Variants in ZNF565 observed in about 807,000 individuals in gnomAD.
ZNF565 encodes zinc finger protein 565.
Under a neutral mutation model 39.4 loss-of-function variants are expected in ZNF565, and 27 were observed. That is an observed-to-expected ratio of 0.69 (90% CI 0.51 to 0.95). ZNF565 has a LOEUF of 0.95. Among genes scored for constraint, ZNF565 ranks in the 40% least tolerant of loss-of-function variants. The pLI is 0.00. For synonymous variants in ZNF565, 185 were observed against 216.6 expected (o/e 0.85, Z 1.28); for missense variants, 524 against 621.1 (o/e 0.84, Z 1.66).
At position 36,214,103 on chromosome 19, in the gene ZNF565, C is replaced by T. The variant is rs1015135613; in HGVS notation, c.-66+519G>A. ...ACACAGTCACACTCACACAAGCAAC[C>T]CACACAAGCAGTGGCACCCCACTCC... On this transcript the variant is annotated intron_variant, in intron 1 of 4. Coordinates refer to ENST00000304116, the MANE Select transcript of ZNF565 (RefSeq NM_152477.5). Among the ~76,000 whole-genome samples, 3 of 151,864 alleles carry T rather than the reference C, an allele frequency of 2.0e-5. No individual in the cohort carries two copies. The South Asian group carries it at 6.2e-4, about 32-fold the overall frequency.
At position 36,195,087 on chromosome 19, in the gene ZNF565, G is replaced by C; in HGVS notation, c.79C>G (p.Gln27Glu). 6.2e-7 allele frequency: 1 copy of C among 1,614,134 alleles called. No individual in the cohort carries two copies. The highest frequency in any genetic ancestry group is 8.5e-7 in the Non-Finnish European group (1 of 1,180,030). The change falls in exon 3 of 5, where the codon CAG becomes GAG. Residue 27 changes from glutamine (Q) to glutamate (E), a missense_variant. Physicochemically the swap from Gln to Glu is conservative, Grantham distance 29. Coordinates refer to ENST00000304116, the MANE Select transcript of ZNF565 (RefSeq NM_152477.5). The part of the protein sequence containing the change: ...LEEWKCLEPA[Q>E]RDLYREVTLE... Reference sequence around the variant, plus strand: ...GTCACCTCCCTGTACAAGTCCCTCTGAGCAGGTTCCAGGCACTTCCATTCT... The same window carrying C: ...GTCACCTCCCTGTACAAGTCCCTCTCAGCAGGTTCCAGGCACTTCCATTCT...
At chr19:36,237,635 C>T (rs1977693182) in intron 1 of ZNF565, 1 of 220,060 alleles carries the variant, frequency 4.5e-6, no homozygotes, top group Admixed American at 5.3e-5. Context: ...TCGCCAGTAA[C>T]AAGAAAAATT....
At chr19:36,199,053 C>T (rs1005129008) in intron 2 of ZNF565, among the ~76,000 whole-genome samples, 1 of 152,072 alleles carries the variant, frequency 6.6e-6, no homozygotes. Flanking sequence ...AATATATATA[C>T]CATGTACTGA....
intron 1 of ZNF565, among the ~76,000 whole-genome samples, chr19:36,241,781 CAAAAAAA>C (rs57036778): frequency 2.5e-5 from 2 of 79,772 alleles, no homozygotes; most frequent in African/African-American, 5.1e-5. Context: ...AGAAGAGTGT[CAAAAAAA>C]AAAAAAAAAA....
intron 1 of ZNF565, among the ~76,000 whole-genome samples, chr19:36,203,077 G>A (rs1313288901): frequency 6.6e-6 from 1 of 152,066 alleles, no homozygotes; most frequent in Non-Finnish European, 1.5e-5. Context: ...GCTCACACCT[G>A]TAATCCCAGC....
At chr19:36,240,483 C>T (rs900545615) in intron 1 of ZNF565, among the ~76,000 whole-genome samples, 1 of 152,086 alleles carries the variant, frequency 6.6e-6, no homozygotes, top group Admixed American at 6.5e-5. Context: ...AATTGAGAGT[C>T]CACAAATGCT....
chr19:36,208,035 G>A (rs1251003421), intron 1 of ZNF565, among the ~76,000 whole-genome samples: 1 of 152,052 alleles, frequency 6.6e-6, no homozygotes, highest in Non-Finnish European at 1.5e-5. Flanking sequence ...ACTTTGACTA[G>A]ATAAAAATTC....
intron 1 of ZNF565, among the ~76,000 whole-genome samples, chr19:36,213,899 C>A (rs1976472767): frequency 6.8e-6 from 1 of 146,464 alleles, no homozygotes; most frequent in Admixed American, 6.9e-5. Context: ...CTAAGACACA[C>A]CCAGTCACAC....
At chr19:36,243,108 A>T (rs1171723244) in intron 1 of ZNF565, among the ~76,000 whole-genome samples, 3 of 152,170 alleles carry the variant, frequency 2.0e-5, no homozygotes, top group Non-Finnish European at 4.4e-5. Context: ...ATCTCAGCTC[A>T]CTGCAACCTG....
intron 2 of ZNF565, among the ~76,000 whole-genome samples, chr19:36,199,372 A>G (rs1430836983): frequency 6.6e-6 from 1 of 152,160 alleles, no homozygotes; most frequent in African/African-American, 2.4e-5. Context: ...AGATGTTACC[A>G]CATACAGAGA....
At chr19:36,199,680 G>A (rs140425299) in intron 2 of ZNF565, among the ~76,000 whole-genome samples, 4 of 151,742 alleles carry the variant, frequency 2.6e-5, no homozygotes, top group East Asian at 1.9e-4. Flanking sequence ...GCTAACTTTC[G>A]TATATACATA....
intron 1 of ZNF565, among the ~76,000 whole-genome samples, chr19:36,229,939 C>T (rs1977250383): frequency 1.3e-5 from 2 of 152,132 alleles, no homozygotes; most frequent in Non-Finnish European, 2.9e-5. Context: ...AGGCTGGTCT[C>T]CAACTCCTAT....
intron 1 of ZNF565, among the ~76,000 whole-genome samples, chr19:36,232,617 T>C (rs867966253): frequency 3.2e-4 from 49 of 151,108 alleles, no homozygotes; most frequent in Non-Finnish European, 1.8e-4. Context: ...TTCTTTTTTT[T>C]TTTTTTCCCG....
At chr19:36,233,783 G>GA (rs1175667644) in intron 1 of ZNF565, among the ~76,000 whole-genome samples, 2 of 152,202 alleles carry the variant, frequency 1.3e-5, no homozygotes, top group Non-Finnish European at 2.9e-5. Context: ...TCAGTAGATG[G>GA]AATATACAAT....
intron 4 of ZNF565, among the ~76,000 whole-genome samples, chr19:36,187,385 G>A (rs1287920320): frequency 1.3e-5 from 2 of 149,100 alleles, no homozygotes; most frequent in South Asian, 2.2e-4. Context: ...TTTCTGAGAC[G>A]GAGTCTCGCT....
intron 1 of ZNF565, chr19:36,236,410 AC>A: frequency 1.3e-6 from 2 of 1,559,334 alleles, no homozygotes; most frequent in Non-Finnish European, 1.7e-6. Context: ...CTGGAGAGAA[AC>A]CTTGTGAATG....
At position 36,183,384 on chromosome 19, in the gene ZNF565, G is replaced by A; in HGVS notation, c.582C>T (p.Pro194=). 1 of 1,608,408 alleles carries A rather than the reference G, an allele frequency of 6.2e-7. No individual in the cohort carries two copies. Among genetic ancestry groups the A allele is most frequent in the Non-Finnish European group, 8.5e-7 (1 of 1,175,000 alleles). ...CCTTCCCACATTCCTTACATCCAAA[G>A]GGTTTTTCACCAGTGTGAATTTTCT... ...QHQKIHTGEK[P]FGCKECGKAF... The change falls in exon 5 of 5, where the codon CCC becomes CCT. Residue 194 remains proline, a synonymous_variant. Transcript: ENST00000304116.
intron 2 of ZNF565, among the ~76,000 whole-genome samples, chr19:36,201,505 C>T (rs1219507154): frequency 1.3e-5 from 2 of 152,024 alleles, no homozygotes; most frequent in Non-Finnish European, 2.9e-5. Flanking sequence ...GACAGAGTCT[C>T]GCTCTGTCTC....
intron 1 of ZNF565, among the ~76,000 whole-genome samples, chr19:36,231,342 T>C (rs1977359814): frequency 6.6e-6 from 1 of 152,152 alleles, no homozygotes; most frequent in Admixed American, 6.5e-5. Context: ...CCTGAGTAGC[T>C]GGGACTACAG....
Sources: allele counts gnomAD v4.1 joint callset (sites outside exome capture counted in the v4.1 genomes callset), GRCh38; gene constraint gnomAD v4.1.1; transcripts MANE v1.5; gene names NCBI Gene and HGNC (gene_info 2026-07-23, HGNC 2026-07-21).